Variants in PSD3 observed in about 807,000 individuals in gnomAD.
PSD3 encodes PH and SEC7 domain-containing protein 3.
PSD3 carries 49 observed loss-of-function variants against 105.5 expected under a neutral mutation model. The observed-to-expected ratio is 0.46, with a 90% CI of 0.37 to 0.59. The LOEUF (loss-of-function observed/expected upper bound fraction) is 0.59. Among genes scored for constraint, PSD3 ranks in the 20% least tolerant of loss-of-function variants. PSD3 has a pLI of 0.00. For missense variants in PSD3, 1,561 were observed against 1,263.8 expected, an observed-to-expected ratio of 1.24 and a Z score of -3.57; for synonymous variants, 557 against 457.8, an observed-to-expected ratio of 1.22 and a Z score of -2.77.
intron 2 of PSD3, among the ~76,000 whole-genome samples, chr8:18,932,335 A>T (rs1821804573): frequency 6.6e-6 from 1 of 152,236 alleles, no homozygotes; most frequent in Non-Finnish European, 1.5e-5. Context: ...ATACAGCTTT[A>T]TGCCAGCCCA....
At chr8:18,655,506 T>A in intron 10 of PSD3, 136 bp downstream of exon 10, 1 of 812,536 alleles carries the variant, frequency 1.2e-6, no homozygotes, top group Non-Finnish European at 2.0e-6. Flanking sequence ...AGCCACAAAG[T>A]AGGTAAGACA....
chr8:18,792,878 T>A lies in PSD3; in HGVS notation c.2082+6417A>T, dbSNP rs145472736. Among the ~76,000 whole-genome samples the A allele has an allele frequency of 3.1e-3, 468 of 152,288 alleles. 2 individuals are homozygous for A. The highest frequency in any genetic ancestry group is 0.01 in the African/African-American group (432 of 41,560). ...GCTGCTATAAAGACACATGCACACT[T>A]ATGTTTATTGCGGCACTATTCACAA... On this transcript the variant is annotated intron_variant, in intron 8 of 15. Coordinates refer to ENST00000327040, the MANE Select transcript of PSD3 (RefSeq NM_015310.4).
intron 10 of PSD3, among the ~76,000 whole-genome samples, chr8:18,643,357 T>C (rs552553817): frequency 2.0e-5 from 3 of 152,368 alleles, no homozygotes; most frequent in African/African-American, 7.2e-5. Context: ...ATTCTGTCTG[T>C]GGCCTCTGAA....
chr8:18,850,464 T>C (rs1040738163), intron 4 of PSD3, among the ~76,000 whole-genome samples: 5 of 152,182 alleles, frequency 3.3e-5, no homozygotes, highest in African/African-American at 1.2e-4. Context: ...GGCAAGACAA[T>C]TTGATACTCA....
At position 18,798,610 on chromosome 8, in the gene PSD3, G is replaced by C. The variant is rs189081620; in HGVS notation, c.2082+685C>G. Among the ~76,000 whole-genome samples, 349 of 152,156 alleles carry C rather than the reference G, an allele frequency of 2.3e-3. 1 individual carries two copies. The highest frequency in any genetic ancestry group is 8.3e-3 in the African/African-American group (344 of 41,502). ...GATAATATACTCTACACAGACACCT[G>C]ATTTTCTCTTCAAAATACAATCAGA... On this transcript the variant is annotated intron_variant, in intron 8 of 15. Coordinates refer to ENST00000327040, the MANE Select transcript of PSD3 (RefSeq NM_015310.4).
chr8:18,968,995 T>C (rs1004461239), intron 1 of PSD3, among the ~76,000 whole-genome samples: 33 of 151,788 alleles, frequency 2.2e-4, no homozygotes, highest in African/African-American at 7.3e-4. Context: ...AGAAAAAAGA[T>C]TTAGTAGCAT....
At chr8:18,678,585 G>A (rs1333405480) in intron 9 of PSD3, among the ~76,000 whole-genome samples, 1 of 152,238 alleles carries the variant, frequency 6.6e-6, no homozygotes, top group Non-Finnish European at 1.5e-5. Context: ...GCCTAAGTGG[G>A]CGGATCGCCT....
chr8:18,884,392 C>T (rs1818316305), intron 2 of PSD3, among the ~76,000 whole-genome samples: 1 of 152,014 alleles, frequency 6.6e-6, no homozygotes, highest in South Asian at 2.1e-4. Context: ...ACCCATTTTG[C>T]CCAGCAATAG....
At chr8:19,041,076 T>G (rs1452288368) in intron 1 of PSD3, among the ~76,000 whole-genome samples, 4 of 152,022 alleles carry the variant, frequency 2.6e-5, no homozygotes, top group Non-Finnish European at 1.5e-5. Flanking sequence ...AATGTGTTTT[T>G]TATAGAGACA....
intron 1 of PSD3, among the ~76,000 whole-genome samples, chr8:19,043,115 G>A (rs1201268290): frequency 1.3e-5 from 2 of 152,150 alleles, no homozygotes; most frequent in Non-Finnish European, 1.5e-5. Flanking sequence ...TTCCTGTAAA[G>A]ACCCAAGACT....
chr8:18,889,395 C>T (rs143873949), intron 2 of PSD3, among the ~76,000 whole-genome samples: 1 of 152,196 alleles, frequency 6.6e-6, no homozygotes, highest in African/African-American at 2.4e-5. Context: ...GCGAGCGTGC[C>T]TGTGATATAC....
At chr8:18,852,875 T>C (rs780691402) in intron 4 of PSD3, among the ~76,000 whole-genome samples, 2 of 152,208 alleles carry the variant, frequency 1.3e-5, no homozygotes, top group Admixed American at 6.5e-5. Context: ...GAAGGAACTA[T>C]GGTAATTGCT....
At chr8:18,802,982 T>C (rs1303947166) in intron 6 of PSD3, among the ~76,000 whole-genome samples, 1 of 152,154 alleles carries the variant, frequency 6.6e-6, no homozygotes, top group Admixed American at 6.5e-5. Flanking sequence ...AATTCCAAAG[T>C]ATCACCTTAA....
rs1317684781 is a variant in PSD3 at position 18,867,711 on chromosome 8, A to G, written c.1597T>C (p.Tyr533His). 1 of 1,613,986 alleles carries G rather than the reference A, an allele frequency of 6.2e-7. No individual in the cohort carries two copies. Reference sequence around the variant, plus strand: ...GCAATCTCCGGGGTGCCTTTCGTGTAGATGGAGTCGCTGGCATCATTCAGC... The same window carrying G: ...GCAATCTCCGGGGTGCCTTTCGTGTGGATGGAGTCGCTGGCATCATTCAGC... ...NGLNDASDSIYTKGTPEIAFW... is the reference protein window; with the variant it reads ...NGLNDASDSIHTKGTPEIAFW... The change falls in exon 4 of 16, where the codon TAC (tyrosine) becomes CAC (histidine). Residue 533 changes from tyrosine (Y) to histidine (H), a missense_variant. Physicochemically the swap from Tyr to His is moderately conservative, Grantham distance 83. Coordinates refer to ENST00000327040, the MANE Select transcript of PSD3 (RefSeq NM_015310.4).
chr8:18,798,480 C>A (rs1377675674), intron 8 of PSD3, among the ~76,000 whole-genome samples: 1 of 151,994 alleles, frequency 6.6e-6, no homozygotes, highest in Non-Finnish European at 1.5e-5. Context: ...TAAAAGGGAA[C>A]ACTATATTTT....
At chr8:18,570,470 G>T (rs1008379648) in intron 14 of PSD3, among the ~76,000 whole-genome samples, 2 of 143,526 alleles carry the variant, frequency 1.4e-5, no homozygotes, top group Non-Finnish European at 3.0e-5. Context: ...TTGACAAATG[G>T]GATCTAATTA....
In PSD3 at chr8:18,801,259, T is replaced by C; in HGVS notation, c.2023+11A>G. 1 of 1,457,966 alleles carries C rather than the reference T, an allele frequency of 6.9e-7. No homozygotes were observed. The highest frequency in any genetic ancestry group is 9.5e-7 in the Non-Finnish European group (1 of 1,056,034). The allele number at this position is 1,457,966 out of a possible 1,614,324, so 90.3% of individuals were successfully genotyped here. The stretch of plus-strand genomic sequence containing the variant: ...TATAAAAAAGAAATTCAAGGATTTG[T>C]ATCAGATTACCTTGTGAAGCAATGG... On this transcript the variant is annotated intron_variant, in intron 7 of 15. Coordinates refer to ENST00000327040, the MANE Select transcript of PSD3 (RefSeq NM_015310.4).
chr8:18,560,903 G>A (rs1054779105), intron 14 of PSD3, among the ~76,000 whole-genome samples: 2 of 152,200 alleles, frequency 1.3e-5, no homozygotes, highest in Non-Finnish European at 2.9e-5. Context: ...TCATGAAGCG[G>A]TAAGTGTCTT....
At chr8:18,960,534 G>A (rs1317296283) in intron 1 of PSD3, among the ~76,000 whole-genome samples, 7 of 152,182 alleles carry the variant, frequency 4.6e-5, no homozygotes, top group African/African-American at 1.2e-4. Flanking sequence ...TAGGAAATGC[G>A]TAAATGTACT....
Sources: gnomAD v4.1 joint callset for allele counts (sites outside exome capture counted in the v4.1 genomes callset) on GRCh38, gnomAD v4.1.1 for gene constraint, MANE v1.5 for transcripts, NCBI Gene and HGNC (gene_info 2026-07-23, HGNC 2026-07-21) for gene names.